The following RBMS3 variants were observed in gnomAD, a reference collection of about 807,000 sequenced individuals.
RBMS3 encodes RNA-binding motif, single-stranded-interacting protein 3.
A neutral mutation model predicts 66.8 loss-of-function variants in RBMS3; 27 were observed. The ratio of observed to expected loss-of-function variants is 0.40; its 90% CI spans 0.30 to 0.56. The LOEUF is 0.56. Among genes scored for constraint, RBMS3 ranks in the 20% least tolerant of loss-of-function variants. The pLI, the probability that RBMS3 is intolerant of heterozygous loss-of-function variation, is 0.40. For synonymous variants in RBMS3, 188 were observed against 183.0 expected (o/e 1.03, Z -0.22); for missense variants, 513 against 549.5 (o/e 0.93, Z 0.66).
At chr3:29,800,212 A>T (rs1177585690) in intron 6 of RBMS3, among the ~76,000 whole-genome samples, 1 of 148,866 alleles carries the variant, frequency 6.7e-6, no homozygotes, top group Non-Finnish European at 1.5e-5. Context: ...TGGTTTTCAG[A>T]AAGGCCTTAA....
chr3:29,861,898 A>G (rs2059226035), intron 6 of RBMS3, among the ~76,000 whole-genome samples: 3 of 152,140 alleles, frequency 2.0e-5, no homozygotes, highest in Admixed American at 6.5e-5. Context: ...TGCATCATAG[A>G]CCATAATGTC....
intron 6 of RBMS3, among the ~76,000 whole-genome samples, chr3:29,771,472 G>A (rs2056194338): frequency 6.6e-6 from 1 of 151,908 alleles, no homozygotes; most frequent in South Asian, 2.1e-4. Flanking sequence ...ACAGAATAAT[G>A]GTCCTCTAAA....
intron 4 of RBMS3, 92 bp downstream of exon 4, chr3:29,587,297 C>A: frequency 1.5e-6 from 1 of 660,396 alleles, no homozygotes; most frequent in Non-Finnish European, 2.2e-6. Flanking sequence ...AGAGAGAGAT[C>A]AGGAGGAAGG....
At chr3:29,779,271 A>ATG (rs202225496) in intron 6 of RBMS3, among the ~76,000 whole-genome samples, 23 of 150,912 alleles carry the variant, frequency 1.5e-4, no homozygotes, top group African/African-American at 3.9e-4. Context: ...GTTCTTTTGT[A>ATG]TGTGTGTGTG....
intron 3 of RBMS3, among the ~76,000 whole-genome samples, chr3:29,504,415 G>T (rs113536157): frequency 1.3e-5 from 2 of 152,024 alleles, no homozygotes; most frequent in Non-Finnish European, 2.9e-5. Context: ...AATTTAAGAG[G>T]CAGTGAGCAG....
At chr3:29,853,288 C>T (rs2058982536) in intron 6 of RBMS3, among the ~76,000 whole-genome samples, 1 of 152,082 alleles carries the variant, frequency 6.6e-6, no homozygotes, top group East Asian at 1.9e-4. Context: ...CAAAGCTGCA[C>T]ATGTACCCCT....
chr3:29,494,959 C>T (rs958289941), intron 3 of RBMS3, among the ~76,000 whole-genome samples: 2 of 151,660 alleles, frequency 1.3e-5, no homozygotes, highest in Non-Finnish European at 2.9e-5. Flanking sequence ...GAAATACTCT[C>T]TTTTGCCTTT....
At position 29,592,365 on chromosome 3, in the gene RBMS3, C is replaced by T. The variant is rs1009622703; in HGVS notation, c.399+5160C>T. ...GGGTGAAGGATATGAACAGACACTT[C>T]TCAAAAGAAGACTTTTATGCAGCCA... On this transcript the variant is annotated intron_variant, in intron 4 of 14. Coordinates refer to ENST00000383767, the MANE Select transcript of RBMS3 (RefSeq NM_001003793.3). Among the ~76,000 whole-genome samples, 3 of 152,204 alleles carry T rather than the reference C, an allele frequency of 2.0e-5. No individual in the cohort carries two copies. In the South Asian group the frequency reaches 6.2e-4, roughly 32 times the overall value.
rs2031720765 is a variant in RBMS3, at chr3:29,281,118, T to TTTG, written c.-562_-561insGTT. On this transcript the variant is annotated 5_prime_UTR_variant, in exon 1 of 15. Coordinates refer to ENST00000383767, the MANE Select transcript of RBMS3 (RefSeq NM_001003793.3). ...GCAGCAACTAAGCTGTACAAGGTTT[T>TTTG]TTTTTTTTTTTTTTCTTCCTTTTTT... The TTTG allele has an allele frequency of 6.9e-6, 1 of 145,504 alleles. No individual in the cohort carries two copies. The highest frequency in any genetic ancestry group is 1.5e-5 in the Non-Finnish European group (1 of 66,110). The allele number at this position is 145,504 out of a possible 1,614,324, so 9.0% of individuals were successfully genotyped here. A position where few individuals can be genotyped will look rare whatever the true frequency, so the allele number is the denominator to read the frequency against.
Position 29,434,931 on chromosome 3 carries a change from C to T in RBMS3, c.248+16C>T. The T allele has an allele frequency of 6.2e-7, 1 of 1,604,834 alleles. No homozygotes were observed. The highest frequency in any genetic ancestry group is 8.5e-7 in the Non-Finnish European group (1 of 1,174,276). On this transcript the variant is annotated intron_variant, in intron 2 of 14. Coordinates refer to ENST00000383767, the MANE Select transcript of RBMS3 (RefSeq NM_001003793.3). The stretch of plus-strand genomic sequence containing the variant: ...TGTGCCAACCGTAAGTGTCCTTCTG[C>T]TGCCCGTGCTGTTTCTCACTCCCAT...
intron 7 of RBMS3, among the ~76,000 whole-genome samples, chr3:29,879,451 T>C (rs1292995079): frequency 6.6e-6 from 1 of 152,198 alleles, no homozygotes; most frequent in African/African-American, 2.4e-5. Flanking sequence ...ACACTTTAAA[T>C]ATAACATCCA....
chr3:29,608,000 T>C (rs181860014), intron 4 of RBMS3, among the ~76,000 whole-genome samples: 2 of 152,004 alleles, frequency 1.3e-5, no homozygotes, highest in Non-Finnish European at 2.9e-5. Flanking sequence ...ATTTACATGG[T>C]ACGAGAAATC....
intron 1 of RBMS3, among the ~76,000 whole-genome samples, chr3:29,404,866 C>T (rs1183793604): frequency 6.6e-6 from 1 of 152,020 alleles, no homozygotes; most frequent in East Asian, 1.9e-4. Context: ...AATATAGCAA[C>T]AAATATGTGA....
chr3:29,786,255 C>T (rs2056813938), intron 6 of RBMS3, among the ~76,000 whole-genome samples: 2 of 152,046 alleles, frequency 1.3e-5, no homozygotes, highest in Admixed American at 1.3e-4. Flanking sequence ...TGAAAATGAC[C>T]ATACTGCCAA....
chr3:29,739,637 G>A, intron 4 of RBMS3, 83 bp from the exon 5 acceptor site: 1 of 1,253,294 alleles, frequency 8.0e-7, no homozygotes, highest in Non-Finnish European at 1.1e-6. Context: ...TATCTAGATT[G>A]CAGTTTAAAC....
chr3:29,545,450 T>C (rs952701547), intron 3 of RBMS3, among the ~76,000 whole-genome samples: 8 of 152,146 alleles, frequency 5.3e-5, no homozygotes, highest in Admixed American at 1.3e-4. Context: ...ATGAAGCAGA[T>C]ACTTTCAATA....
chr3:29,860,591 C>A (rs2059188556), intron 6 of RBMS3, among the ~76,000 whole-genome samples: 1 of 152,152 alleles, frequency 6.6e-6, no homozygotes, highest in Non-Finnish European at 1.5e-5. Flanking sequence ...TTATAGCAGC[C>A]ATTGTAATCT....
At chr3:29,283,716 T>C (rs1455166935) in intron 1 of RBMS3, among the ~76,000 whole-genome samples, 1 of 152,174 alleles carries the variant, frequency 6.6e-6, no homozygotes, top group African/African-American at 2.4e-5. Context: ...ATCAGGATAG[T>C]AGGGAATATA....
At chr3:29,491,049 C>T (rs887389349) in intron 3 of RBMS3, among the ~76,000 whole-genome samples, 3 of 152,164 alleles carry the variant, frequency 2.0e-5, no homozygotes, top group African/African-American at 7.2e-5. Flanking sequence ...CACAGTACAA[C>T]TCTGAAGACC....
Sources: gnomAD v4.1 joint callset for allele counts (sites outside exome capture counted in the v4.1 genomes callset) on GRCh38, gnomAD v4.1.1 for gene constraint, MANE v1.5 for transcripts, NCBI Gene and HGNC (gene_info 2026-07-23, HGNC 2026-07-21) for gene names.